Variants in COG2 observed in about 807,000 individuals in gnomAD.
The protein encoded by COG2 is conserved oligomeric Golgi complex subunit 2.
A neutral mutation model predicts 90.6 loss-of-function variants in COG2; 52 were observed. The ratio of observed to expected loss-of-function variants is 0.57; its 90% CI spans 0.46 to 0.72. The LOEUF is 0.72. COG2 is among the 30% of genes least tolerant of loss of function. The probability of loss-of-function intolerance (pLI) is 0.00; values close to 1 mark genes in which losing one functional copy is unlikely to be tolerated. For missense variants in COG2, 829 were observed against 891.2 expected (o/e 0.93, Z 0.89); for synonymous variants, 337 against 320.4 (o/e 1.05, Z -0.55).
intron 17 of COG2, among the ~76,000 whole-genome samples, chr1:230,692,363 AAGC>A (rs1299044254): frequency 6.6e-6 from 1 of 152,102 alleles, no homozygotes; most frequent in Non-Finnish European, 1.5e-5. Flanking sequence ...AAAAAAAAAA[AAGC>A]AGTCAAAACA....
rs941443177 is a variant in COG2, at chr1:230,674,982, T to A, written c.900-16T>A. Reference sequence around the variant, plus strand: ...GATTATGGTATATTTTACTGATATGTGCCCTTATTTTACAGTGAAAAAGGC... The same window carrying A: ...GATTATGGTATATTTTACTGATATGAGCCCTTATTTTACAGTGAAAAAGGC... On this transcript the variant is annotated splice_polypyrimidine_tract_variant and intron_variant, in intron 8 of 17. Coordinates refer to ENST00000366669, the MANE Select transcript of COG2 (RefSeq NM_007357.3). 2.9e-5 allele frequency: 46 copies of A among 1,595,884 alleles called. No individual in the cohort carries two copies. The highest frequency in any genetic ancestry group is 3.7e-5 in the Non-Finnish European group (43 of 1,170,558).
At chr1:230,650,113 A>G (rs145424820) in intron 1 of COG2, among the ~76,000 whole-genome samples, 39 of 152,298 alleles carry the variant, frequency 2.6e-4, no homozygotes, top group African/African-American at 7.9e-4. Context: ...TCTTTATCCA[A>G]TCCTCCGTTG....
At chr1:230,654,145 G>A (rs1310638118) in intron 1 of COG2, among the ~76,000 whole-genome samples, 1 of 152,108 alleles carries the variant, frequency 6.6e-6, no homozygotes, top group Non-Finnish European at 1.5e-5. Context: ...GTCAATTTTG[G>A]CTTTTGTTGC....
chr1:230,683,289 G>T, intron 10 of COG2: 1 of 324,082 alleles, frequency 3.1e-6, no homozygotes, highest in Non-Finnish European at 5.7e-6. Context: ...ACTTCTTGAT[G>T]GAGACTTAAC....
intron 11 of COG2, 52 bp from the exon 12 acceptor site, chr1:230,685,033 C>T (rs1180803800): frequency 6.4e-7 from 1 of 1,568,790 alleles, no homozygotes; most frequent in Non-Finnish European, 8.7e-7. Context: ...AGACTATAGC[C>T]TAAAATTGCC....
intron 1 of COG2, among the ~76,000 whole-genome samples, chr1:230,654,205 A>G (rs984175825): frequency 6.6e-6 from 1 of 152,168 alleles, no homozygotes; most frequent in Non-Finnish European, 1.5e-5. Context: ...TATGTCCTGA[A>G]TGGTATTGTC....
intron 15 of COG2, 40 bp downstream of exon 15, chr1:230,688,602 G>A (rs771815452): frequency 3.1e-6 from 5 of 1,610,132 alleles, no homozygotes; most frequent in South Asian, 1.1e-5. Flanking sequence ...AGGTGGGGAA[G>A]TGTGTGTTAG....
At chr1:230,674,902 A>C (rs1156311219) in intron 8 of COG2, 96 bp from the exon 9 acceptor site, 12 of 933,528 alleles carry the variant, frequency 1.3e-5, no homozygotes, top group Non-Finnish European at 1.7e-5. Context: ...AATAAGTTTT[A>C]GACTGCGGAT....
At chr1:230,679,598 G>A (rs1662684395) in intron 10 of COG2, 1 of 152,136 alleles carries the variant, frequency 6.6e-6, no homozygotes, top group Admixed American at 6.5e-5. Context: ...CCTCTATTCA[G>A]GAAAATGGTG....
chr1:230,655,305 G>A (rs1662022291), intron 1 of COG2, among the ~76,000 whole-genome samples: 1 of 152,184 alleles, frequency 6.6e-6, no homozygotes, highest in Non-Finnish European at 1.5e-5. Context: ...TTTTTAGCAT[G>A]AAGGGGTGTT....
chr1:230,674,893 A>G, intron 8 of COG2, 105 bp from the exon 9 acceptor site: 2 of 868,792 alleles, frequency 2.3e-6, no homozygotes, highest in Admixed American at 5.9e-5. Context: ...AAAAGTTGAA[A>G]TAAGTTTTAG....
At position 230,688,582 on chromosome 1, in the gene COG2, G is replaced by A. The variant is rs745506772; in HGVS notation, c.1794+20G>A. On this transcript the variant is annotated intron_variant, in intron 15 of 17. Coordinates refer to ENST00000366669, the MANE Select transcript of COG2 (RefSeq NM_007357.3). Reference sequence around the variant, plus strand: ...AATAAGGTCAGCGCCATTTATGGGAGAGAATTTTGAGGTGGGGAAGTGTGT... The same window carrying A: ...AATAAGGTCAGCGCCATTTATGGGAAAGAATTTTGAGGTGGGGAAGTGTGT... The A allele has an allele frequency of 1.2e-6, 2 of 1,613,106 alleles. No homozygotes were observed. The highest frequency in any genetic ancestry group is 8.5e-7 in the Non-Finnish European group (1 of 1,179,414).
At chr1:230,691,013 C>T (rs1040685326) in intron 16 of COG2, among the ~76,000 whole-genome samples, 3 of 152,092 alleles carry the variant, frequency 2.0e-5, no homozygotes, top group Non-Finnish European at 4.4e-5. Flanking sequence ...TGATCTGGGG[C>T]ATGAACTACA....
intron 10 of COG2, chr1:230,680,534 A>G (rs1662717705): frequency 6.6e-6 from 1 of 152,128 alleles, no homozygotes; most frequent in African/African-American, 2.4e-5. Context: ...CTTCCATTTC[A>G]GTTTCTCTCA....
Position 230,687,071 on chromosome 1 carries a change from T to A in COG2, c.1517T>A (p.Val506Asp). ...GGTCCTTCGGAAACAAAGCCTGTGG[T>A]TTCCATTTCCCGCACTCAGCTCGTG... The part of the protein sequence containing the change: ...GSGPSETKPV[V>D]SISRTQLVYV... Residue 506 changes from valine (V) to aspartate (D), a missense_variant, in exon 13 of 18, where the codon GTT becomes GAT. By Grantham distance (152) the Val-to-Asp change is radical. Transcript: ENST00000366669. The A allele has an allele frequency of 3.1e-6, 5 of 1,613,520 alleles. No individual in the cohort carries two copies. The highest frequency in any genetic ancestry group is 4.2e-6 in the Non-Finnish European group (5 of 1,179,670).
At chr1:230,648,644 T>G (rs985942182) in intron 1 of COG2, among the ~76,000 whole-genome samples, 1 of 152,242 alleles carries the variant, frequency 6.6e-6, no homozygotes, top group Non-Finnish European at 1.5e-5. Context: ...ATTACTTGAA[T>G]AAAATGTTGA....
chr1:230,666,749 C>T (rs751571830), intron 5 of COG2, among the ~76,000 whole-genome samples: 1 of 152,170 alleles, frequency 6.6e-6, no homozygotes, highest in Non-Finnish European at 1.5e-5. Context: ...TGCCCGATTT[C>T]TCTTTATTCC....
chr1:230,690,246 C>A, intron 16 of COG2, 93 bp downstream of exon 16: 1 of 1,095,832 alleles, frequency 9.1e-7, no homozygotes, highest in Non-Finnish European at 1.3e-6. Context: ...ATGGATAAGG[C>A]AGTGAGACTG....
rs541927061 is a variant in COG2 at position 230,685,437 on chromosome 1, T to C, written c.1380+201T>C. ...CGAGCATTGCATTTAGGGGTGTCTA[T>C]TATCACAAACTTATTTTGTTGAAAA... On this transcript the variant is annotated intron_variant, in intron 12 of 17. Transcript: ENST00000366669. 2.6e-4 allele frequency among the ~76,000 whole-genome samples: 40 copies of C among 152,312 alleles called. No individual in the cohort carries two copies. In the South Asian group the frequency reaches 7.9e-3, roughly 30 times the overall value.
Sources: allele counts gnomAD v4.1 joint callset (sites outside exome capture counted in the v4.1 genomes callset), GRCh38; gene constraint gnomAD v4.1.1; transcripts MANE v1.5; gene names NCBI Gene and HGNC (gene_info 2026-07-23, HGNC 2026-07-21).